The following TRPM3 variants were observed in gnomAD, a reference collection of about 807,000 sequenced individuals.
The protein encoded by TRPM3 is long transient receptor potential channel 3.
A neutral mutation model predicts 181.2 loss-of-function variants in TRPM3; 77 were observed. The ratio of observed to expected loss-of-function variants is 0.42; its 90% CI spans 0.35 to 0.51. The LOEUF is 0.51. TRPM3 is among the 20% of genes least tolerant of loss of function. TRPM3 has a pLI of 0.01. For missense variants in TRPM3, 1,759 were observed against 2,196.7 expected (o/e 0.80, Z 3.98); for synonymous variants, 745 against 796.4 (o/e 0.94, Z 1.09).
chr9:70,678,431 T>C (rs1004897990), intron 9 of TRPM3, among the ~76,000 whole-genome samples: 1 of 152,090 alleles, frequency 6.6e-6, no homozygotes, highest in Non-Finnish European at 1.5e-5. Context: ...TTTTTGTCTC[T>C]CTCTTTCTTC....
chr9:70,806,196 C>T (rs188488646), intron 6 of TRPM3, among the ~76,000 whole-genome samples: 22 of 152,224 alleles, frequency 1.4e-4, no homozygotes, highest in East Asian at 1.4e-3. Context: ...AAACTCATTA[C>T]GCAGCTTTGA....
chr9:70,769,642 TA>T (rs913243430), intron 7 of TRPM3, among the ~76,000 whole-genome samples: 1 of 152,016 alleles, frequency 6.6e-6, no homozygotes, highest in Non-Finnish European at 1.5e-5. Context: ...TTAAGAAAAT[TA>T]AAAAAAATCA....
chr9:70,596,891 T>C (rs2132630939), intron 21 of TRPM3, among the ~76,000 whole-genome samples: 1 of 152,152 alleles, frequency 6.6e-6, no homozygotes, highest in South Asian at 2.1e-4. Context: ...GGCTCCCAGA[T>C]AGCTGGGATC....
At chr9:71,092,467 G>T (rs1741452180) in intron 1 of TRPM3, among the ~76,000 whole-genome samples, 1 of 152,076 alleles carries the variant, frequency 6.6e-6, no homozygotes, top group Non-Finnish European at 1.5e-5. Flanking sequence ...AATTTACTAA[G>T]CATAGATTTT....
intron 8 of TRPM3, among the ~76,000 whole-genome samples, chr9:70,694,472 T>C (rs2069593198): frequency 6.6e-6 from 1 of 152,118 alleles, no homozygotes; most frequent in African/African-American, 2.4e-5. Flanking sequence ...TTTTCATGGA[T>C]GGTACCATAT....
chr9:71,027,004 C>A (rs1313867103), intron 1 of TRPM3, among the ~76,000 whole-genome samples: 2 of 152,164 alleles, frequency 1.3e-5, no homozygotes, highest in Non-Finnish European at 2.9e-5. Flanking sequence ...GTGGCACATG[C>A]AAACAAGGAT....
chr9:70,817,252 GT>G (rs2092773196), intron 6 of TRPM3, among the ~76,000 whole-genome samples: 2 of 152,210 alleles, frequency 1.3e-5, no homozygotes, highest in African/African-American at 4.8e-5. Context: ...AAAATGGTGT[GT>G]GTGACTTCCT....
chr9:70,538,181 C>G (rs1040889237), intron 25 of TRPM3, among the ~76,000 whole-genome samples: 10 of 152,230 alleles, frequency 6.6e-5, no homozygotes, highest in African/African-American at 2.4e-4. Context: ...AATTCTTCTA[C>G]TCCTCTCTCT....
At chr9:71,309,522 T>A (rs1276602217) in intron 1 of TRPM3, among the ~76,000 whole-genome samples, 1 of 152,104 alleles carries the variant, frequency 6.6e-6, no homozygotes, top group African/African-American at 2.4e-5. Context: ...ATATTCCCTA[T>A]CCCCAAAATA....
At chr9:70,747,726 C>G (rs187417070) in intron 8 of TRPM3, among the ~76,000 whole-genome samples, 1 of 151,554 alleles carries the variant, frequency 6.6e-6, no homozygotes, top group East Asian at 1.9e-4. Context: ...GTATGCAAAA[C>G]TTGAAATACT....
intron 22 of TRPM3, among the ~76,000 whole-genome samples, chr9:70,570,711 G>T (rs1310834855): frequency 6.6e-6 from 1 of 152,178 alleles, no homozygotes; most frequent in South Asian, 2.1e-4. Flanking sequence ...ATTGAATATC[G>T]GGTTATTATG....
intron 1 of TRPM3, among the ~76,000 whole-genome samples, chr9:71,331,724 AAGG>A (rs1203080262): frequency 1.2e-5 from 1 of 84,732 alleles, no homozygotes; most frequent in Non-Finnish European, 2.4e-5. Flanking sequence ...GGAGGAGGAA[AAGG>A]AGGAGAAAAA....
At chr9:70,815,497 A>G (rs1245209634) in intron 6 of TRPM3, among the ~76,000 whole-genome samples, 1 of 152,206 alleles carries the variant, frequency 6.6e-6, no homozygotes, top group Non-Finnish European at 1.5e-5. Flanking sequence ...ATATTTCTAT[A>G]TATACATAAT....
At chr9:71,055,556 C>T (rs1253337662) in intron 1 of TRPM3, among the ~76,000 whole-genome samples, 2 of 151,946 alleles carry the variant, frequency 1.3e-5, no homozygotes, top group Non-Finnish European at 2.9e-5. Context: ...GTCTTATATT[C>T]AATTGGAACA....
intron 1 of TRPM3, among the ~76,000 whole-genome samples, chr9:71,407,592 A>T (rs2093461565): frequency 6.6e-6 from 1 of 152,224 alleles, no homozygotes; most frequent in Non-Finnish European, 1.5e-5. Context: ...AAATGGGTGG[A>T]GCCCACTGCA....
intron 1 of TRPM3, among the ~76,000 whole-genome samples, chr9:71,133,794 G>A (rs2074534628): frequency 6.6e-6 from 1 of 152,072 alleles, no homozygotes; most frequent in Non-Finnish European, 1.5e-5. Context: ...TTTCTTTATA[G>A]CACACACAGC....
At chr9:71,011,282 T>C (rs1200821694) in intron 1 of TRPM3, among the ~76,000 whole-genome samples, 1 of 152,126 alleles carries the variant, frequency 6.6e-6, no homozygotes, top group Admixed American at 6.6e-5. Flanking sequence ...TCAAGATAGC[T>C]AGAAGAGAAG....
Position 70,790,743 on chromosome 9 carries a change from A to G in TRPM3, c.974-6464T>C, listed in dbSNP as rs574655465. 7.2e-5 allele frequency among the ~76,000 whole-genome samples: 11 copies of G among 152,292 alleles called. No homozygotes were observed. The East Asian group carries it at 2.1e-3, about 29-fold the overall frequency. ...AGATGAATTTATGAAAACTACATAAATCTGATAATCGGTTGTGCCTGAAAA... is the reference window on the plus strand; with the variant it reads ...AGATGAATTTATGAAAACTACATAAGTCTGATAATCGGTTGTGCCTGAAAA... On this transcript the variant is annotated intron_variant, in intron 6 of 25. Coordinates refer to ENST00000677713, the MANE Select transcript of TRPM3 (RefSeq NM_001366145.2).
chr9:71,067,178 C>A (rs1328082104), intron 1 of TRPM3, among the ~76,000 whole-genome samples: 4 of 152,072 alleles, frequency 2.6e-5, no homozygotes, highest in African/African-American at 9.7e-5. Flanking sequence ...AACAAGGAGG[C>A]AATTAACTTC....
Sources: gnomAD v4.1 joint callset for allele counts (sites outside exome capture counted in the v4.1 genomes callset) on GRCh38, gnomAD v4.1.1 for gene constraint, MANE v1.5 for transcripts, NCBI Gene and HGNC (gene_info 2026-07-23, HGNC 2026-07-21) for gene names.